Variants in MINDY2 observed in about 807,000 individuals in gnomAD.
The protein encoded by MINDY2 is ubiquitin carboxyl-terminal hydrolase MINDY-2.
In MINDY2, 52 loss-of-function variants were observed where a neutral mutation model predicts 68.2. The observed-to-expected ratio is 0.76, with a 90% CI of 0.61 to 0.96. MINDY2 has a LOEUF of 0.96. Among genes scored for constraint, MINDY2 ranks in the 40% least tolerant of loss-of-function variants. The probability of loss-of-function intolerance (pLI) is 0.00; values close to 1 mark genes in which losing one functional copy is unlikely to be tolerated. For synonymous variants in MINDY2, 372 were observed against 303.0 expected (o/e 1.23, Z -2.36); for missense variants, 881 against 773.4 (o/e 1.14, Z -1.65).
At chr15:58,824,912 C>T (rs1027130235) in intron 5 of MINDY2, among the ~76,000 whole-genome samples, 4 of 152,036 alleles carry the variant, frequency 2.6e-5, no homozygotes, top group Non-Finnish European at 4.4e-5. Flanking sequence ...TCAGGTGATC[C>T]GCCAGCCTCA....
At chr15:58,777,242 T>C (rs1365601109) in intron 1 of MINDY2, among the ~76,000 whole-genome samples, 2 of 152,238 alleles carry the variant, frequency 1.3e-5, no homozygotes, top group African/African-American at 4.8e-5. Flanking sequence ...TGGGCTTTTC[T>C]TTCAAGAACT....
intron 4 of MINDY2, among the ~76,000 whole-genome samples, chr15:58,814,284 A>T (rs1318886345): frequency 2.6e-5 from 4 of 151,882 alleles, no homozygotes; most frequent in African/African-American, 7.3e-5. Flanking sequence ...ACATCTTTTG[A>T]TGTGCTTGTT....
At chr15:58,776,716 A>AG (rs1185562011) in intron 1 of MINDY2, among the ~76,000 whole-genome samples, 3 of 152,100 alleles carry the variant, frequency 2.0e-5, no homozygotes, top group Non-Finnish European at 4.4e-5. Context: ...TACAGAGACA[A>AG]GGTCACGTTA....
intron 2 of MINDY2, among the ~76,000 whole-genome samples, chr15:58,790,431 G>T (rs1901807452): frequency 6.6e-6 from 1 of 152,144 alleles, no homozygotes; most frequent in South Asian, 2.1e-4. Context: ...AGTTGATGCA[G>T]TCAGGTCATA....
At chr15:58,826,320 C>T (rs1168323118) in intron 5 of MINDY2, among the ~76,000 whole-genome samples, 1 of 149,026 alleles carries the variant, frequency 6.7e-6, no homozygotes, top group Non-Finnish European at 1.5e-5. Flanking sequence ...ACCTCTGCCT[C>T]CCAGGCTCAA....
At chr15:58,813,220 C>T (rs539134209) in intron 4 of MINDY2, among the ~76,000 whole-genome samples, 2 of 152,308 alleles carry the variant, frequency 1.3e-5, no homozygotes, top group Non-Finnish European at 2.9e-5. Context: ...TCCCGCCGGG[C>T]ACGGTGGCTC....
intron 4 of MINDY2, among the ~76,000 whole-genome samples, chr15:58,816,660 A>G (rs1207845315): frequency 6.6e-6 from 1 of 151,526 alleles, no homozygotes; most frequent in Non-Finnish European, 1.5e-5. Flanking sequence ...AGATAGAACT[A>G]GGGCACTCTA....
chr15:58,784,678 G>A (rs1249253851), intron 1 of MINDY2, among the ~76,000 whole-genome samples: 1 of 145,092 alleles, frequency 6.9e-6, no homozygotes, highest in East Asian at 2.0e-4. Context: ...GGAGTGCAGT[G>A]GCATGATAGC....
chr15:58,785,869 G>A (rs563185874), intron 1 of MINDY2, among the ~76,000 whole-genome samples: 7 of 152,010 alleles, frequency 4.6e-5, no homozygotes, highest in South Asian at 2.1e-4. Context: ...AGTAAAGTCC[G>A]TGTTTCACCA....
intron 2 of MINDY2, among the ~76,000 whole-genome samples, chr15:58,801,020 C>A (rs1341685816): frequency 6.6e-6 from 1 of 152,016 alleles, no homozygotes; most frequent in African/African-American, 2.4e-5. Context: ...ATCACCCAGG[C>A]TGGAGTACAG....
intron 6 of MINDY2, among the ~76,000 whole-genome samples, chr15:58,837,486 T>C (rs1254942776): frequency 6.7e-6 from 1 of 148,160 alleles, no homozygotes; most frequent in African/African-American, 2.5e-5. Context: ...GGTGGGAGGA[T>C]CACTTGAGCC....
intron 1 of MINDY2, among the ~76,000 whole-genome samples, chr15:58,787,449 G>A (rs181055264): frequency 1.3e-5 from 2 of 152,064 alleles, no homozygotes; most frequent in Non-Finnish European, 2.9e-5. Flanking sequence ...AGTAAAGACT[G>A]GTTATAGGCT....
intron 2 of MINDY2, among the ~76,000 whole-genome samples, chr15:58,799,392 C>A (rs982185405): frequency 6.6e-6 from 1 of 152,036 alleles, no homozygotes; most frequent in African/African-American, 2.4e-5. Flanking sequence ...ACAGTGAAAC[C>A]CTGTCTTTAC....
intron 2 of MINDY2, among the ~76,000 whole-genome samples, chr15:58,801,035 G>A (rs1354166565): frequency 2.0e-5 from 3 of 152,022 alleles, no homozygotes; most frequent in African/African-American, 7.2e-5. Flanking sequence ...GTACAGTGGC[G>A]TGATCTTGGC....
intron 3 of MINDY2, among the ~76,000 whole-genome samples, chr15:58,809,324 G>C (rs1459394860): frequency 1.3e-5 from 2 of 152,058 alleles, no homozygotes; most frequent in Non-Finnish European, 2.9e-5. Flanking sequence ...GAATCATACA[G>C]TATTTTTACT....
chr15:58,809,934 C>T (rs1301415943), intron 3 of MINDY2, among the ~76,000 whole-genome samples: 1 of 152,160 alleles, frequency 6.6e-6, no homozygotes, highest in African/African-American at 2.4e-5. Context: ...CGCATGCCAC[C>T]ATGCCCAGCT....
intron 4 of MINDY2, 94 bp downstream of exon 4, chr15:58,810,482 T>G (rs2030159667): frequency 8.1e-7 from 1 of 1,241,056 alleles, no homozygotes; most frequent in African/African-American, 1.5e-5. Flanking sequence ...TGTTACTTAC[T>G]TTTTTTGTAC....
At chr15:58,828,858 A>C (rs2031564951) in intron 5 of MINDY2, among the ~76,000 whole-genome samples, 2 of 151,966 alleles carry the variant, frequency 1.3e-5, no homozygotes, top group South Asian at 4.2e-4. Context: ...CCCAGTCTTA[A>C]ATTTCTGAAT....
Position 58,795,684 on chromosome 15 carries a change from G to T in MINDY2, c.899-6629G>T, listed in dbSNP as rs981797672. Among the ~76,000 whole-genome samples the T allele has an allele frequency of 3.9e-4, 60 of 152,294 alleles. 1 individual carries two copies. The highest frequency in any genetic ancestry group is 1.4e-3 in the African/African-American group (58 of 41,574). ...CTCCCAAAGTGCCGGGATTACAGGC[G>T]TGAGCCACTGCGCCCAGCCTATCGT... On this transcript the variant is annotated intron_variant, in intron 2 of 8. Transcript: ENST00000559228.
Sources: gnomAD v4.1 joint callset for allele counts (sites outside exome capture counted in the v4.1 genomes callset) on GRCh38, gnomAD v4.1.1 for gene constraint, MANE v1.5 for transcripts, NCBI Gene and HGNC (gene_info 2026-07-23, HGNC 2026-07-21) for gene names.